The following RNMT variants were observed in gnomAD, a reference collection of about 807,000 sequenced individuals.
RNMT encodes RNA guanine-7 methyltransferase, also known as mRNA cap guanine-N(7) methyltransferase.
A neutral mutation model predicts 56.0 loss-of-function variants in RNMT; 27 were observed. The ratio of observed to expected loss-of-function variants is 0.48; its 90% CI spans 0.36 to 0.67. The LOEUF (loss-of-function observed/expected upper bound fraction) is 0.67. Ranked by LOEUF, RNMT falls within the 30% of genes least tolerant of loss-of-function variation. The pLI is 0.00. For synonymous variants in RNMT, 184 were observed against 176.2 expected (o/e 1.04, Z -0.35); for missense variants, 519 against 552.1 (o/e 0.94, Z 0.60).
chr18:13,743,603 GTT>G (rs919686897), intron 8 of RNMT, among the ~76,000 whole-genome samples: 3 of 152,068 alleles, frequency 2.0e-5, no homozygotes, highest in Non-Finnish European at 2.9e-5. Flanking sequence ...ATACACCTTG[GTT>G]TCCAGAGTTT....
intron 7 of RNMT, 67 bp downstream of exon 7, chr18:13,741,758 G>C (rs2044255220): frequency 2.0e-6 from 2 of 1,006,976 alleles, no homozygotes; most frequent in Non-Finnish European, 2.8e-6. Flanking sequence ...GTTTATCAGA[G>C]GTAGATTTTA....
At chr18:13,733,408 C>T (rs961758449) in intron 3 of RNMT, among the ~76,000 whole-genome samples, 4 of 152,034 alleles carry the variant, frequency 2.6e-5, no homozygotes, top group South Asian at 2.1e-4. Context: ...TTGAGAGTCT[C>T]GCTCTGTTGC....
chr18:13,732,825 A>AACCTCCACCTCCCGGG (rs2044096054), intron 3 of RNMT, among the ~76,000 whole-genome samples: 1 of 138,580 alleles, frequency 7.2e-6, no homozygotes, highest in African/African-American at 2.7e-5. Context: ...GGCTCACTGC[A>AACCTCCACCTCCCGGG]ACCTCCACCT....
rs1038855104 is a variant in RNMT, at chr18:13,741,767, T to G, written c.974+76T>G. 3.3e-6 allele frequency: 3 copies of G among 907,824 alleles called. No individual in the cohort carries two copies. In the African/African-American group the frequency reaches 5.1e-5, roughly 16 times the overall value. The allele number at this position is 907,824 out of a possible 1,614,324, so 56.2% of individuals were successfully genotyped here. A position where few individuals can be genotyped will look rare whatever the true frequency, so the allele number is the denominator to read the frequency against. ...GCAAATGTTTATCAGAGGTAGATTT[T>G]ATTAAAATACGCTATTTTAATCTTA... On this transcript the variant is annotated intron_variant, in intron 7 of 11. Coordinates refer to ENST00000383314, the MANE Select transcript of RNMT (RefSeq NM_003799.3).
At chr18:13,732,162 T>C (rs1315237964) in intron 3 of RNMT, among the ~76,000 whole-genome samples, 2 of 152,198 alleles carry the variant, frequency 1.3e-5, no homozygotes, top group Non-Finnish European at 2.9e-5. Flanking sequence ...TATTTTCTAA[T>C]GAGATAATGT....
chr18:13,732,742 CTT>C (rs376073026), intron 3 of RNMT, among the ~76,000 whole-genome samples: 3,446 of 28,152 alleles, frequency 0.12, 41 homozygotes, highest in Non-Finnish European at 0.19. Context: ...GGAGCCCCCC[CTT>C]TTTTTTTTTT....
chr18:13,739,461 T>G (rs779961130), intron 5 of RNMT, among the ~76,000 whole-genome samples: 1 of 152,214 alleles, frequency 6.6e-6, no homozygotes, highest in African/African-American at 2.4e-5. Context: ...CCATTGCCTT[T>G]GCATTATCAG....
rs749782536 is a variant in RNMT at position 13,731,731 on chromosome 18, AGTT to A, written c.217_219del (p.Cys73del). The A allele has an allele frequency of 1.6e-5, 26 of 1,613,280 alleles. No individual in the cohort carries two copies. The highest frequency in any genetic ancestry group is 2.1e-5 in the Non-Finnish European group (25 of 1,179,820). ...AGATGATCTTGTAAAGGAAAGTTCTAGTTGTGGGAAAGACACTCCATCCAAGAA... is the reference window on the plus strand; with the variant it reads ...AGATGATCTTGTAAAGGAAAGTTCTAGTGGGAAAGACACTCCATCCAAGAA... On this transcript the variant is annotated inframe_deletion, in exon 3 of 12. Coordinates refer to ENST00000383314, the MANE Select transcript of RNMT (RefSeq NM_003799.3).
In RNMT at chr18:13,734,393, G is replaced by A. The variant is rs1467769265; in HGVS notation, c.418-71G>A. 5 of 1,396,596 alleles carry A rather than the reference G, an allele frequency of 3.6e-6. No individual in the cohort carries two copies. In the East Asian group the frequency reaches 9.4e-5, roughly 26 times the overall value. 86.5% of individuals were successfully genotyped at this position (1,396,596 alleles called of 1,614,324 possible). On this transcript the variant is annotated intron_variant, in intron 3 of 11. Transcript: ENST00000383314. ...CTAATAGCATTTTATCCATTCACAGGTCAAATGTTCTGAGGCTTATTTTTA... is the reference window on the plus strand; with the variant it reads ...CTAATAGCATTTTATCCATTCACAGATCAAATGTTCTGAGGCTTATTTTTA...
chr18:13,753,426 C>T (rs2044485362), intron 10 of RNMT, among the ~76,000 whole-genome samples: 1 of 150,930 alleles, frequency 6.6e-6, no homozygotes, highest in African/African-American at 2.4e-5. Flanking sequence ...GATCGCAGCA[C>T]TGCACTCCAG....
rs563767761 is a variant in RNMT at position 13,764,307 on chromosome 18, C to G, written c.*4328C>G. 53 of 152,284 alleles carry G rather than the reference C, an allele frequency of 3.5e-4. No individual in the cohort carries two copies. The highest frequency in any genetic ancestry group is 1.3e-3 in the African/African-American group (52 of 41,558). The allele number at this position is 152,284 out of a possible 1,614,324, so 9.4% of individuals were successfully genotyped here. On this transcript the variant is annotated 3_prime_UTR_variant, in exon 12 of 12. Transcript: ENST00000383314. ...GTGCATACAATCGGCACCCCAGAAG[C>G]CCCCCGTCAGATTCCCTTCCAGTTA...
At position 13,752,377 on chromosome 18, in the gene RNMT, T is replaced by C; in HGVS notation, c.1309T>C (p.Tyr437His). 6.2e-7 allele frequency: 1 copy of C among 1,613,432 alleles called. No homozygotes were observed. The highest frequency in any genetic ancestry group is 8.5e-7 in the Non-Finnish European group (1 of 1,179,502). The change falls in exon 10 of 12, where the codon TAT becomes CAT. Residue 437 changes from tyrosine to histidine, a missense_variant. Transcript: ENST00000383314. ...ACTTGTCTCTGAGAAGGTGGATGAC[T>C]ATGAACATGCAGCAAAGTACATGAA... The part of the protein sequence containing the change: ...SKLVSEKVDD[Y>H]EHAAKYMKNS...
chr18:13,731,357 G>T, intron 2 of RNMT, 119 bp from the exon 3 acceptor site: 2 of 503,924 alleles, frequency 4.0e-6, no homozygotes, highest in Non-Finnish European at 6.9e-6. Context: ...GCAGTGAGCC[G>T]AGATCATGCC....
rs534316337 is a variant in RNMT at position 13,731,386 on chromosome 18, C to G, written c.-42-90C>G. On this transcript the variant is annotated intron_variant, in intron 2 of 11. Coordinates refer to ENST00000383314, the MANE Select transcript of RNMT (RefSeq NM_003799.3). Reference sequence around the variant, plus strand: ...TCATGCCATTGCACTCCAGCCTGGGCGACAAGAGTGAAACTCCGTCTCAAA... The same window carrying G: ...TCATGCCATTGCACTCCAGCCTGGGGGACAAGAGTGAAACTCCGTCTCAAA... 6.4e-6 allele frequency: 4 copies of G among 624,956 alleles called. No homozygotes were observed. In the Admixed American group the frequency reaches 1.3e-4, roughly 21 times the overall value. 38.7% of individuals were successfully genotyped at this position (624,956 alleles called of 1,614,324 possible). A position where few individuals can be genotyped will look rare whatever the true frequency, so the allele number is the denominator to read the frequency against.
Position 13,760,836 on chromosome 18 carries a change from C to G in RNMT, c.*857C>G. ...TATTCTCACCATCTGATGCCATGTA[C>G]CCACTTCAGAAATAAGCAATACTTG... On this transcript the variant is annotated 3_prime_UTR_variant, in exon 12 of 12. Coordinates refer to ENST00000383314, the MANE Select transcript of RNMT (RefSeq NM_003799.3). The G allele has an allele frequency of 1.0e-6, 1 of 985,406 alleles. No individual in the cohort carries two copies. The highest frequency in any genetic ancestry group is 1.2e-6 in the Non-Finnish European group (1 of 829,928). 61.0% of individuals were successfully genotyped at this position (985,406 alleles called of 1,614,324 possible).
At chr18:13,738,548 G>A (rs2044202895) in intron 5 of RNMT, among the ~76,000 whole-genome samples, 1 of 152,178 alleles carries the variant, frequency 6.6e-6, no homozygotes, top group Admixed American at 6.5e-5. Flanking sequence ...TGAAACCTTA[G>A]TGATGAACTT....
At chr18:13,740,652 A>G (rs1186787997) in intron 6 of RNMT, among the ~76,000 whole-genome samples, 2 of 152,252 alleles carry the variant, frequency 1.3e-5, no homozygotes, top group African/African-American at 4.8e-5. Flanking sequence ...GATTACAGGC[A>G]TGAGCCATGG....
At chr18:13,754,007 C>A in intron 10 of RNMT, 107 bp from the exon 11 acceptor site, 1 of 630,396 alleles carries the variant, frequency 1.6e-6, no homozygotes, top group Non-Finnish European at 2.8e-6. Context: ...TGTGTATTTA[C>A]AGTGAAGTTA....
rs2044619178 is a variant in RNMT at position 13,761,533 on chromosome 18, A to T, written c.*1554A>T. ...ATTAACAGGTAATAATAATACATGTACTTTTAGCCTGAAACCTCTTCCACG... is the reference window on the plus strand; with the variant it reads ...ATTAACAGGTAATAATAATACATGTTCTTTTAGCCTGAAACCTCTTCCACG... On this transcript the variant is annotated 3_prime_UTR_variant, in exon 12 of 12. Coordinates refer to ENST00000383314, the MANE Select transcript of RNMT (RefSeq NM_003799.3). 1 of 991,542 alleles carries T rather than the reference A, an allele frequency of 1.0e-6. No homozygotes were observed. The highest frequency in any genetic ancestry group is 1.2e-6 in the Non-Finnish European group (1 of 833,418). 61.4% of individuals were successfully genotyped at this position (991,542 alleles called of 1,614,324 possible).
Sources: gnomAD v4.1 joint callset for allele counts (sites outside exome capture counted in the v4.1 genomes callset) on GRCh38, gnomAD v4.1.1 for gene constraint, MANE v1.5 for transcripts, NCBI Gene and HGNC (gene_info 2026-07-23, HGNC 2026-07-21) for gene names.